Variants in WWC1 observed in about 807,000 individuals in gnomAD.
WWC1 encodes the protein protein KIBRA.
A neutral mutation model predicts 138.4 loss-of-function variants in WWC1; 55 were observed. The ratio of observed to expected loss-of-function variants is 0.40; its 90% confidence interval spans 0.32 to 0.50. The LOEUF is 0.50. WWC1 is among the 20% of genes least tolerant of loss of function. The pLI is 0.72. For synonymous variants in WWC1, 524 were observed against 564.9 expected (o/e 0.93, Z 1.03); for missense variants, 1,226 against 1,420.4 (o/e 0.86, Z 2.20).
At chr5:168,467,603 C>G (rs1757407443) in intron 21 of WWC1, 4 of 521,524 alleles carry the variant, frequency 7.7e-6, no homozygotes, top group Middle Eastern at 5.3e-4. Flanking sequence ...ACAGGCAGCC[C>G]TCATCTCCTC....
intron 1 of WWC1, among the ~76,000 whole-genome samples, chr5:168,320,509 T>C (rs75781527): frequency 3.8e-3 from 585 of 152,264 alleles, no homozygotes; most frequent in African/African-American, 0.013. Flanking sequence ...TGCTTCAGTT[T>C]CCCGTCTGTG....
chr5:168,428,838 T>A (rs775332737), intron 13 of WWC1, 51 bp downstream of exon 13: 2 of 1,594,028 alleles, frequency 1.3e-6, no homozygotes, highest in Non-Finnish European at 8.6e-7. Flanking sequence ...GTGGGGTCCC[T>A]TCTTCATCCA....
In WWC1 at chr5:168,374,115, C is replaced by T. The variant is rs570747721; in HGVS notation, c.229+2582C>T. Among the ~76,000 whole-genome samples, 14 of 151,326 alleles carry T rather than the reference C, an allele frequency of 9.3e-5. No homozygotes were observed. The East Asian group carries it at 2.7e-3, about 29-fold the overall frequency. On this transcript the variant is annotated intron_variant, in intron 2 of 22. Coordinates refer to ENST00000265293, the MANE Select transcript of WWC1 (RefSeq NM_015238.3). Reference sequence around the variant, plus strand: ...TCAAACAACAATTCGCTCATACATTCACCATCGAGCATTCATTCATTTAGC... The same window carrying T: ...TCAAACAACAATTCGCTCATACATTTACCATCGAGCATTCATTCATTTAGC...
At chr5:168,410,081 A>T in intron 8 of WWC1, 86 bp downstream of exon 8, 2 of 1,282,308 alleles carry the variant, frequency 1.6e-6, no homozygotes, top group Non-Finnish European at 2.3e-6. Flanking sequence ...AGCTTTTCAC[A>T]CACTTCGTCT....
intron 17 of WWC1, among the ~76,000 whole-genome samples, chr5:168,447,474 G>C (rs916149960): frequency 6.6e-6 from 1 of 152,154 alleles, no homozygotes; most frequent in Admixed American, 6.5e-5. Context: ...CCACTGAAAC[G>C]TCATTTATGG....
At chr5:168,435,708 G>A (rs185016561) in intron 15 of WWC1, among the ~76,000 whole-genome samples, 31 of 152,266 alleles carry the variant, frequency 2.0e-4, no homozygotes, top group Admixed American at 3.3e-4. Context: ...CACCACACCC[G>A]ACCTAAAACT....
intron 5 of WWC1, among the ~76,000 whole-genome samples, chr5:168,400,409 A>T (rs530884839): frequency 1.3e-5 from 2 of 152,008 alleles, no homozygotes; most frequent in African/African-American, 4.8e-5. Flanking sequence ...TTTAGCTCCC[A>T]CTTATAAGTG....
chr5:168,317,625 A>G (rs2152755048), intron 1 of WWC1, among the ~76,000 whole-genome samples: 1 of 152,258 alleles, frequency 6.6e-6, no homozygotes, highest in South Asian at 2.1e-4. Flanking sequence ...CTTAGGATAT[A>G]CAGCTATTGA....
rs540535062 is a variant in WWC1 at position 168,295,838 on chromosome 5, G to A, written c.119+3567G>A. ...AACTCTCTCCCCTTCTCACCCAGGGGAAGACTGGGAGGCCGAAATTCCTGA... is the reference window on the plus strand; with the variant it reads ...AACTCTCTCCCCTTCTCACCCAGGGAAAGACTGGGAGGCCGAAATTCCTGA... On this transcript the variant is annotated intron_variant, in intron 1 of 22. Transcript: ENST00000265293. Among the ~76,000 whole-genome samples the A allele has an allele frequency of 3.3e-5, 5 of 152,300 alleles. No individual in the cohort carries two copies. In the East Asian group the frequency reaches 9.7e-4, roughly 29 times the overall value.
At chr5:168,465,481 G>A (rs1350186493) in intron 21 of WWC1, among the ~76,000 whole-genome samples, 1 of 147,384 alleles carries the variant, frequency 6.8e-6, no homozygotes, top group East Asian at 2.0e-4. Context: ...AGGGATTTAG[G>A]GGTTGATCAA....
chr5:168,459,162 G>A (rs1756580673), intron 19 of WWC1, among the ~76,000 whole-genome samples: 1 of 150,756 alleles, frequency 6.6e-6, no homozygotes, highest in Non-Finnish European at 1.5e-5. Flanking sequence ...GCTGAGGCGG[G>A]AGAATCACTT....
At chr5:168,421,194 C>G (rs11948899) in intron 9 of WWC1, among the ~76,000 whole-genome samples, 53,550 of 151,984 alleles carry the variant, frequency 0.35, 9,744 homozygotes, top group East Asian at 0.53. Context: ...GTCCATGCAA[C>G]AGACAGTAAA....
intron 1 of WWC1, among the ~76,000 whole-genome samples, chr5:168,327,154 T>C (rs979279741): frequency 6.6e-6 from 1 of 152,166 alleles, no homozygotes; most frequent in African/African-American, 2.4e-5. Context: ...AGCAAATTAC[T>C]CTCCTTCTCA....
intron 1 of WWC1, among the ~76,000 whole-genome samples, chr5:168,354,875 T>C (rs1348608884): frequency 6.6e-6 from 1 of 152,172 alleles, no homozygotes; most frequent in Non-Finnish European, 1.5e-5. Context: ...TGGAAGTCTT[T>C]GTTAGGCTGG....
intron 1 of WWC1, among the ~76,000 whole-genome samples, chr5:168,321,663 G>T (rs532023961): frequency 1.3e-5 from 2 of 151,166 alleles, no homozygotes; most frequent in Non-Finnish European, 2.9e-5. Flanking sequence ...TCAGCCTCCC[G>T]AGTAGCTGGG....
intron 1 of WWC1, among the ~76,000 whole-genome samples, chr5:168,307,036 C>T (rs1008297919): frequency 1.3e-5 from 2 of 152,214 alleles, no homozygotes; most frequent in East Asian, 3.8e-4. Flanking sequence ...CCATATAGAT[C>T]GCAGCCTGTG....
chr5:168,418,511 A>G (rs1247003988), intron 9 of WWC1, among the ~76,000 whole-genome samples: 1 of 152,094 alleles, frequency 6.6e-6, no homozygotes, highest in Non-Finnish European at 1.5e-5. Flanking sequence ...TTGGCCTCCC[A>G]GCGTGTGCCA....
At position 168,408,627 on chromosome 5, in the gene WWC1, A is replaced by G; in HGVS notation, c.841A>G (p.Ser281Gly). Residue 281 changes from serine to glycine, a missense_variant, in exon 7 of 23, where the codon AGC becomes GGC. Ser to Gly is a moderately conservative substitution (Grantham distance 56). Around this residue, in one of 3 missense-constraint regions of WWC1, gnomAD observed 1,016 missense variants for 1,153.9 expected, o/e 0.88. Coordinates refer to ENST00000265293, the MANE Select transcript of WWC1 (RefSeq NM_015238.3). ...GCTACCGAAACAGTACCTGGATGTG[A>G]GCTCCCAGACAGACATCTCGGGAAG... ...FPLPKQYLDV[S>G]SQTDISGSFG... 2 of 1,614,118 alleles carry G rather than the reference A, an allele frequency of 1.2e-6. No individual in the cohort carries two copies. The highest frequency in any genetic ancestry group is 1.3e-5 in the African/African-American group (1 of 75,052).
intron 16 of WWC1, among the ~76,000 whole-genome samples, chr5:168,442,784 C>T (rs1257256140): frequency 6.7e-6 from 1 of 150,214 alleles, no homozygotes; most frequent in East Asian, 1.9e-4. Flanking sequence ...TTGCAGTGAG[C>T]CAAGATTACA....
Sources: allele counts gnomAD v4.1 joint callset (sites outside exome capture counted in the v4.1 genomes callset), GRCh38; gene constraint gnomAD v4.1.1; regional missense constraint gnomAD v4.1.1; transcripts MANE v1.5; gene names NCBI Gene and HGNC (gene_info 2026-07-23, HGNC 2026-07-21).